LAIR1: variants seen among roughly 807,000 people sequenced by gnomAD.
LAIR1 encodes the protein leukocyte-associated immunoglobulin-like receptor 1.
In LAIR1, 24 loss-of-function variants were observed where a neutral mutation model predicts 32.8. The ratio of observed to expected loss-of-function variants is 0.73; its 90% CI spans 0.53 to 1.03. LAIR1 has a LOEUF of 1.03. Ranked by LOEUF, LAIR1 falls within the 50% of genes least tolerant of loss-of-function variation. The pLI is 0.00. For missense variants in LAIR1, 355 were observed against 347.5 expected (o/e 1.02, Z -0.17); for synonymous variants, 150 against 140.5 (o/e 1.07, Z -0.48).
At chr19:54,365,037 G>A (rs1350540272), upstream of LAIR1, 10 of 1,415,026 alleles carry the variant, frequency 7.1e-6, no homozygotes, top group African/African-American at 1.5e-5. Flanking sequence ...TACCCTAAAT[G>A]TCGCTTAGAG....
rs149933025 is a variant in LAIR1 at position 54,361,104 on chromosome 19, C to T, written c.176G>A (p.Arg59His). The change falls in exon 3 of 10, where the codon CGC (arginine) becomes CAC (histidine). Residue 59 changes from arginine (R) to histidine (H), a missense_variant. Coordinates refer to ENST00000391742, the MANE Select transcript of LAIR1 (RefSeq NM_002287.6). Reference sequence around the variant, plus strand: ...TGTGGATCTACTGTCCCTCTCCAGGCGGAATGTTTGAACCCCAACCGGGCC... The same window carrying T: ...TGTGGATCTACTGTCCCTCTCCAGGTGGAATGTTTGAACCCCAACCGGGCC... ...CRGPVGVQTF[R>H]LERDSRSTYN... 2.5e-5 allele frequency: 40 copies of T among 1,614,060 alleles called. No homozygotes were observed. Among genetic ancestry groups the T allele is most frequent in the East Asian group, 1.8e-4 (8 of 44,894 alleles).
At chr19:54,357,353 G>A (rs1393897912) in intron 4 of LAIR1, 2 of 179,770 alleles carry the variant, frequency 1.1e-5, no homozygotes, top group African/African-American at 4.7e-5. Flanking sequence ...TGCGGATCTA[G>A]GCAGAGACCA....
chr19:54,361,646 C>G (rs536023670), intron 2 of LAIR1, among the ~76,000 whole-genome samples: 4 of 142,932 alleles, frequency 2.8e-5, no homozygotes, highest in African/African-American at 7.5e-5. Flanking sequence ...CTGAAGGGCA[C>G]TGGCCGGTCC....
upstream of LAIR1, chr19:54,365,141 A>G (rs188340155): frequency 2.5e-3 from 2,568 of 1,009,656 alleles, 6 homozygotes; most frequent in Non-Finnish European, 2.8e-3. Flanking sequence ...ATTGACTTGG[A>G]CGCCGTCCCA....
At chr19:54,356,199 C>T in intron 8 of LAIR1, 31 bp downstream of exon 8, 1 of 1,595,932 alleles carries the variant, frequency 6.3e-7, no homozygotes. Flanking sequence ...ACTTCCCCAT[C>T]CCAGGCCTGT....
At chr19:54,366,859 G>A (rs1490463428), upstream of LAIR1, among the ~76,000 whole-genome samples, 1 of 152,194 alleles carries the variant, frequency 6.6e-6, no homozygotes, top group Non-Finnish European at 1.5e-5. Context: ...AGGCTCAGAT[G>A]TGGGAGCAAA....
intron 3 of LAIR1, 43 bp downstream of exon 3, chr19:54,360,873 G>A: frequency 5.7e-6 from 9 of 1,574,586 alleles, no homozygotes; most frequent in Non-Finnish European, 7.8e-6. Flanking sequence ...ACAAGCTCGA[G>A]GGTCGAGCTG....
chr19:54,360,804 G>C, intron 3 of LAIR1, 112 bp downstream of exon 3: 1 of 1,025,216 alleles, frequency 9.8e-7, no homozygotes, highest in South Asian at 1.5e-5. Context: ...TTGGGGTCAG[G>C]AGGAGGACAA....
chr19:54,372,015 T>G (rs1227795886), upstream of LAIR1, among the ~76,000 whole-genome samples: 2 of 151,658 alleles, frequency 1.3e-5, no homozygotes, highest in Non-Finnish European at 2.9e-5. Flanking sequence ...TTCCATTGTC[T>G]GGACACATAG....
rs1186001471 is a variant in LAIR1, at chr19:54,360,926, C to A, written c.354G>T (p.Leu118=). 1.2e-6 allele frequency: 2 copies of A among 1,611,516 alleles called. No homozygotes were observed. Among genetic ancestry groups the A allele is most frequent in the Non-Finnish European group, 1.7e-6 (2 of 1,178,112 alleles). ...AGGTGACGTCCTCACCTTTCACCAG[C>A]AGCTCCAGGTAGTCACTCTGCTCAG... is the stretch of plus-strand genomic sequence containing the variant. ...KWSEQSDYLE[L]LVKESSGGPD... Residue 118 remains leucine (L), a synonymous_variant, in exon 3 of 10, where the codon CTG becomes CTT. Coordinates refer to ENST00000391742, the MANE Select transcript of LAIR1 (RefSeq NM_002287.6).
Position 54,355,026 on chromosome 19 carries a change from T to G in LAIR1, c.*242A>C, listed in dbSNP as rs945647718. On this transcript the variant is annotated 3_prime_UTR_variant, in exon 10 of 10. Transcript: ENST00000391742. The surrounding 1 kb of genome is among the most constrained non-coding windows in gnomAD (Gnocchi z 4.7). ...AGCCAGGGAACTGTAGCTGGGTCTC[T>G]GGAAATAACTGAGAAACAGTCTGTC... The G allele has an allele frequency of 2.5e-6, 1 of 405,466 alleles. No individual in the cohort carries two copies. Among genetic ancestry groups the G allele is most frequent in the African/African-American group, 2.1e-5 (1 of 48,592 alleles). 25.1% of individuals were successfully genotyped at this position (405,466 alleles called of 1,614,324 possible). A position where few individuals can be genotyped will look rare whatever the true frequency, so the allele number is the denominator to read the frequency against.
chr19:54,358,677 G>A (rs1416358777), intron 4 of LAIR1: 2 of 1,418,312 alleles, frequency 1.4e-6, no homozygotes, highest in Non-Finnish European at 2.0e-6. Flanking sequence ...CCTCCTTTGG[G>A]GTTTTCTAAT....
At chr19:54,357,071 G>A (rs1310759112) in intron 4 of LAIR1, 105 bp from the exon 5 acceptor site, 2 of 1,067,446 alleles carry the variant, frequency 1.9e-6, no homozygotes, top group Admixed American at 4.2e-5. Flanking sequence ...TCACTCCCCA[G>A]GACCCTGACT....
rs752390066 is a variant in LAIR1 at position 54,356,379 on chromosome 19, G to A, written c.603C>T (p.Asp201=). ...ACCTCTGCTGTGGCTTCTGCTCCTC[G>A]TCCTTGCTTCTGGGGGGCCCTAAGG... ...QIKQGPPRSK[D]EEQKPQQRPD... is the part of the protein sequence containing the mutation. Residue 201 remains aspartate (D), a synonymous_variant, in exon 7 of 10, where the codon GAC becomes GAT. Transcript: ENST00000391742. 8 of 1,591,618 alleles carry A rather than the reference G, an allele frequency of 5.0e-6. No individual in the cohort carries two copies. The African/African-American group carries it at 5.4e-5, about 11-fold the overall frequency.
upstream of LAIR1, among the ~76,000 whole-genome samples, chr19:54,371,905 G>A (rs543555589): frequency 6.6e-6 from 1 of 151,654 alleles, no homozygotes; most frequent in African/African-American, 2.4e-5. Flanking sequence ...CAGTGGATAC[G>A]CCATTTGGGC....
chr19:54,352,696 G>A lies in LAIR1; in HGVS notation c.*2572C>T, dbSNP rs905984160. On this transcript the variant is annotated 3_prime_UTR_variant, in exon 10 of 10. Transcript: ENST00000391742. ...CTCAGCTCTCCTGTGCTCTGCAAGG[G>A]GTAGAAAAATTCACCCATCCTCTGC... 1.3e-5 allele frequency: 2 copies of A among 153,386 alleles called. No homozygotes were observed. Among genetic ancestry groups the A allele is most frequent in the African/African-American group, 4.8e-5 (2 of 41,392 alleles). 9.5% of individuals were successfully genotyped at this position (153,386 alleles called of 1,614,324 possible).
At chr19:54,358,517 C>T in intron 4 of LAIR1, 4 of 1,603,088 alleles carry the variant, frequency 2.5e-6, no homozygotes, top group Non-Finnish European at 3.4e-6. Flanking sequence ...CAGTGCATTT[C>T]TATTGCTCAT....
rs2082005461 is a variant in LAIR1, at chr19:54,361,177, G to C, written c.103C>G (p.Pro35Ala). ...CTCCCCAGGGGGATCACGGTGCCTG[G>C]CTCAGCCGAGATGGAGGGTCTGGGC... Reference protein sequence around the residue: ...DLPRPSISAEPGTVIPLGSHV... With the variant: ...DLPRPSISAEAGTVIPLGSHV... Residue 35 changes from proline to alanine, a missense_variant, in exon 3 of 10, where the codon CCA (proline) becomes GCA (alanine). Transcript: ENST00000391742. The C allele has an allele frequency of 6.2e-6, 10 of 1,614,166 alleles. No individual in the cohort carries two copies. The highest frequency in any genetic ancestry group is 8.5e-6 in the Non-Finnish European group (10 of 1,180,026).
upstream of LAIR1, among the ~76,000 whole-genome samples, chr19:54,374,405 G>A (rs1169055637): frequency 6.6e-6 from 1 of 152,124 alleles, no homozygotes; most frequent in East Asian, 1.9e-4. Flanking sequence ...TCCCCTCCCA[G>A]TTCCCTTAGT....
Sources: allele counts gnomAD v4.1 joint callset (sites outside exome capture counted in the v4.1 genomes callset), GRCh38; gene constraint gnomAD v4.1.1; non-coding constraint Gnocchi (gnomAD v3.1); transcripts MANE v1.5; gene names NCBI Gene and HGNC (gene_info 2026-07-23, HGNC 2026-07-21).